The following UNC5D variants were observed in gnomAD, a reference collection of about 807,000 sequenced individuals.
UNC5D encodes netrin receptor UNC5D.
A neutral mutation model predicts 105.4 loss-of-function variants in UNC5D; 39 were observed. That is an observed-to-expected ratio of 0.37 (90% confidence interval 0.29 to 0.48). The LOEUF (loss-of-function observed/expected upper bound fraction) is 0.48, where lower values mean the gene tolerates loss of function less well. Among genes scored for constraint, UNC5D ranks in the 20% least tolerant of loss-of-function variants. The pLI is 0.98. For synonymous variants in UNC5D, 452 were observed against 450.4 expected (o/e 1.00, Z -0.04); for missense variants, 991 against 1,202.4 (o/e 0.82, Z 2.60).
chr8:35,726,373 A>C lies in UNC5D; in HGVS notation c.1525A>C (p.Thr509Pro). Reference sequence around the variant, plus strand: ...GTACCACGGCAAGAATCATTCCAGGACTTTTCCCCATGGAAACAACCACAG... The same window carrying C: ...GTACCACGGCAAGAATCATTCCAGGCCTTTTCCCCATGGAAACAACCACAG... The part of the protein sequence containing the change: ...AEYHGKNHSR[T>P]FPHGNNHSFS... Residue 509 changes from threonine (T) to proline (P), a missense_variant, in exon 10 of 17, where the codon ACT becomes CCT. Thr to Pro is a conservative substitution (Grantham distance 38, BLOSUM62 -1). Coordinates refer to ENST00000404895, the MANE Select transcript of UNC5D (RefSeq NM_080872.4). 6.2e-7 allele frequency: 1 copy of C among 1,614,126 alleles called. No individual in the cohort carries two copies. Among genetic ancestry groups the C allele is most frequent in the Non-Finnish European group, 8.5e-7 (1 of 1,180,012 alleles).
At chr8:35,504,052 G>A (rs1812149631) in intron 1 of UNC5D, among the ~76,000 whole-genome samples, 1 of 152,164 alleles carries the variant, frequency 6.6e-6, no homozygotes. Context: ...GGAAGGGTGG[G>A]TGAGAGGTAA....
At chr8:35,486,903 C>A (rs950317556) in intron 1 of UNC5D, among the ~76,000 whole-genome samples, 4 of 152,120 alleles carry the variant, frequency 2.6e-5, no homozygotes, top group African/African-American at 9.7e-5. Context: ...AACTGGCTTT[C>A]CCAGGGTCAT....
At chr8:35,623,146 T>G (rs1235448027) in intron 4 of UNC5D, among the ~76,000 whole-genome samples, 1 of 152,168 alleles carries the variant, frequency 6.6e-6, no homozygotes, top group African/African-American at 2.4e-5. Context: ...GTCTCTCGGA[T>G]GGTAATTTCT....
chr8:35,397,478 C>T (rs1269980693), intron 1 of UNC5D, among the ~76,000 whole-genome samples: 1 of 152,098 alleles, frequency 6.6e-6, no homozygotes, highest in Non-Finnish European at 1.5e-5. Flanking sequence ...TTTGCACAAT[C>T]GTGTACCAAT....
intron 1 of UNC5D, among the ~76,000 whole-genome samples, chr8:35,425,916 A>C (rs2128970379): frequency 6.6e-6 from 1 of 152,280 alleles, no homozygotes; most frequent in African/African-American, 2.4e-5. Context: ...GTCAGAAGAA[A>C]CCTAAAAACC....
intron 1 of UNC5D, among the ~76,000 whole-genome samples, chr8:35,280,009 T>C (rs181068379): frequency 1.2e-4 from 18 of 152,302 alleles, no homozygotes; most frequent in South Asian, 8.3e-4. Flanking sequence ...TTCTTTCTTT[T>C]TTTTGAGACA....
chr8:35,538,395 T>TTATATATATA (rs10524805), intron 1 of UNC5D, among the ~76,000 whole-genome samples: 27 of 82,420 alleles, frequency 3.3e-4, no homozygotes, highest in Non-Finnish European at 5.9e-4. Context: ...AAAAAAATAA[T>TTATATATATA]TATATATATA....
chr8:35,430,837 C>A (rs375540230), intron 1 of UNC5D, among the ~76,000 whole-genome samples: 5 of 152,128 alleles, frequency 3.3e-5, no homozygotes, highest in African/African-American at 9.7e-5. Flanking sequence ...CCTCAAAGCC[C>A]AGAGTAAGAG....
intron 15 of UNC5D, among the ~76,000 whole-genome samples, chr8:35,767,556 T>C (rs1297153880): frequency 1.3e-5 from 2 of 152,162 alleles, no homozygotes; most frequent in Admixed American, 6.5e-5. Flanking sequence ...CTGTTTCTCA[T>C]ACTCCCCAGG....
At chr8:35,658,167 T>C (rs1426010144) in intron 4 of UNC5D, among the ~76,000 whole-genome samples, 1 of 152,198 alleles carries the variant, frequency 6.6e-6, no homozygotes, top group Non-Finnish European at 1.5e-5. Context: ...CTAATGATTC[T>C]GGAAAGGTAA....
intron 3 of UNC5D, among the ~76,000 whole-genome samples, chr8:35,587,752 G>T (rs1818879810): frequency 6.6e-6 from 1 of 151,686 alleles, no homozygotes; most frequent in South Asian, 2.1e-4. Flanking sequence ...GATACAGTTT[G>T]GTCTAGTACA....
At chr8:35,335,984 C>T (rs1443445431) in intron 1 of UNC5D, among the ~76,000 whole-genome samples, 1 of 151,372 alleles carries the variant, frequency 6.6e-6, no homozygotes, top group African/African-American at 2.4e-5. Flanking sequence ...AGGATGGTGT[C>T]GATCTCCTGA....
In UNC5D at chr8:35,235,851, C is replaced by T. The variant is rs1253373456; in HGVS notation, c.67C>T (p.Leu23=). The change falls in exon 1 of 17, where the codon CTG becomes TTG. Residue 23 remains leucine (L), a synonymous_variant. Coordinates refer to ENST00000404895, the MANE Select transcript of UNC5D (RefSeq NM_080872.4). ...GCGCCGCTGGCTCCCGTGGCTGGGG[C>T]TGTGCTTCTGGGCGGCAGGGACCGC... ...GARRWLPWLG[L]CFWAAGTAAA... 1.6e-6 allele frequency: 2 copies of T among 1,230,374 alleles called. No individual in the cohort carries two copies. Among genetic ancestry groups the T allele is most frequent in the Non-Finnish European group, 2.0e-6 (2 of 986,894 alleles). 76.2% of individuals were successfully genotyped at this position (1,230,374 alleles called of 1,614,324 possible).
intron 10 of UNC5D, chr8:35,727,964 T>TAGTG (rs1294474910): frequency 1.3e-5 from 2 of 149,922 alleles, no homozygotes; most frequent in African/African-American, 4.9e-5. Context: ...TGGCAGGGTG[T>TAGTG]AGTGGCACAC....
At chr8:35,568,684 C>T (rs1817527314) in intron 3 of UNC5D, among the ~76,000 whole-genome samples, 2 of 152,342 alleles carry the variant, frequency 1.3e-5, no homozygotes, top group South Asian at 2.1e-4. Flanking sequence ...ACGAGAGAGA[C>T]TCCATCTCAA....
chr8:35,465,958 G>C (rs1469444052), intron 1 of UNC5D, among the ~76,000 whole-genome samples: 1 of 152,118 alleles, frequency 6.6e-6, no homozygotes, highest in African/African-American at 2.4e-5. Flanking sequence ...CTAGAACCTG[G>C]AAAAGGCAAG....
At chr8:35,441,429 G>T (rs971141140) in intron 1 of UNC5D, among the ~76,000 whole-genome samples, 7 of 151,876 alleles carry the variant, frequency 4.6e-5, no homozygotes, top group African/African-American at 1.4e-4. Context: ...ATGTAGTATA[G>T]ATATGGTTTG....
intron 1 of UNC5D, among the ~76,000 whole-genome samples, chr8:35,308,369 A>G (rs1808601255): frequency 6.6e-6 from 1 of 152,146 alleles, no homozygotes; most frequent in African/African-American, 2.4e-5. Context: ...CCTTGAAACT[A>G]TAGATATGAA....
chr8:35,678,874 T>G (rs997057213), intron 4 of UNC5D, among the ~76,000 whole-genome samples: 15 of 152,124 alleles, frequency 9.9e-5, no homozygotes, highest in Non-Finnish European at 2.1e-4. Flanking sequence ...TAGTTTATTG[T>G]TGTTAAACTC....
Sources: allele counts gnomAD v4.1 joint callset (sites outside exome capture counted in the v4.1 genomes callset), GRCh38; gene constraint gnomAD v4.1.1; transcripts MANE v1.5; gene names NCBI Gene and HGNC (gene_info 2026-07-23, HGNC 2026-07-21).